PCDHA7: variants seen among roughly 807,000 people sequenced by gnomAD.
PCDHA7 encodes protocadherin alpha 7.
In PCDHA7, 37 loss-of-function variants were observed where a neutral mutation model predicts 57.2. The ratio of observed to expected loss-of-function variants is 0.65; its 90% CI spans 0.50 to 0.85. The LOEUF (loss-of-function observed/expected upper bound fraction) is 0.85, where lower values mean the gene tolerates loss of function less well. Ranked by LOEUF, PCDHA7 falls within the 40% of genes least tolerant of loss-of-function variation. The probability of loss-of-function intolerance (pLI) is 0.00; values close to 1 mark genes in which losing one functional copy is unlikely to be tolerated. For synonymous variants in PCDHA7, 553 were observed against 558.8 expected (o/e 0.99, Z 0.15); for missense variants, 1,188 against 1,241.8 (o/e 0.96, Z 0.65).
intron 1 of PCDHA7, among the ~76,000 whole-genome samples, chr5:140,915,956 A>G (rs1170172761): frequency 6.6e-6 from 1 of 151,996 alleles, no homozygotes; most frequent in African/African-American, 2.4e-5. Flanking sequence ...ATACTTAGAA[A>G]TTTGCCTGAT....
chr5:140,849,589 T>G, intron 1 of PCDHA7: 1 of 1,598,710 alleles, frequency 6.3e-7, no homozygotes, highest in Non-Finnish European at 8.6e-7. Context: ...GACGCACAAC[T>G]GGGGACAGTT....
intron 1 of PCDHA7, among the ~76,000 whole-genome samples, chr5:140,941,460 C>T (rs530075226): frequency 4.6e-4 from 69 of 151,184 alleles, no homozygotes; most frequent in African/African-American, 1.6e-3. Context: ...GGATTACAGG[C>T]GCCCACCACC....
intron 1 of PCDHA7, among the ~76,000 whole-genome samples, chr5:140,838,466 C>T (rs1775745526): frequency 6.6e-6 from 1 of 151,588 alleles, no homozygotes; most frequent in South Asian, 2.1e-4. Context: ...TTCATTAGCG[C>T]TTATTCCTTG....
intron 1 of PCDHA7, chr5:140,857,387 G>A (rs369919324): frequency 2.5e-6 from 4 of 1,598,586 alleles, no homozygotes; most frequent in Admixed American, 1.7e-5. Flanking sequence ...GGTGGCCGAC[G>A]TGAACGACAA....
At position 140,850,414 on chromosome 5, in the gene PCDHA7, C is replaced by T. The variant is rs2150483197; in HGVS notation, c.2355+13676C>T. The T allele has an allele frequency of 3.9e-5, 62 of 1,597,814 alleles. 5 individuals are homozygous for T. Among genetic ancestry groups the T allele is most frequent in the African/African-American group, 6.7e-5 (5 of 74,310 alleles). ...AGCACAACGCGTGCCCTGGACGAAA[C>T]GGACGCACCGCGCCAGCGCCTACTG... On this transcript the variant is annotated intron_variant, in intron 1 of 3. Coordinates refer to ENST00000525929, the MANE Select transcript of PCDHA7 (RefSeq NM_018910.3).
chr5:140,951,966 C>G (rs1554220177), intron 1 of PCDHA7, among the ~76,000 whole-genome samples: 1 of 152,128 alleles, frequency 6.6e-6, no homozygotes, highest in African/African-American at 2.4e-5. Flanking sequence ...GGTAAATACT[C>G]CTGTTCCAAA....
chr5:140,886,844 A>G (rs11748231), intron 1 of PCDHA7, among the ~76,000 whole-genome samples: 22,325 of 150,652 alleles, frequency 0.15, 1,711 homozygotes, highest in Middle Eastern at 0.2. Context: ...AAAAAAAAAA[A>G]AAAGAAAGGT....
Position 140,835,730 on chromosome 5 carries a change from C to A in PCDHA7, c.1347C>A (p.Asn449Lys). 2 of 1,613,804 alleles carry A rather than the reference C, an allele frequency of 1.2e-6. No individual in the cohort carries two copies. Among genetic ancestry groups the A allele is most frequent in the South Asian group, 1.1e-5 (1 of 91,072 alleles). ...ASVSVEVADV[N>K]DNAPAFAQPE... is the part of the protein sequence containing the mutation. Reference sequence around the variant, plus strand: ...TGTCCGTGGAGGTGGCCGACGTGAACGACAACGCCCCGGCGTTCGCGCAGC... The same window carrying A: ...TGTCCGTGGAGGTGGCCGACGTGAAAGACAACGCCCCGGCGTTCGCGCAGC... Residue 449 changes from asparagine to lysine, a missense_variant, in exon 1 of 4, where the codon AAC becomes AAA. Coordinates refer to ENST00000525929, the MANE Select transcript of PCDHA7 (RefSeq NM_018910.3).
intron 1 of PCDHA7, among the ~76,000 whole-genome samples, chr5:140,897,257 T>C (rs1554187284): frequency 6.6e-6 from 1 of 151,916 alleles, no homozygotes; most frequent in Non-Finnish European, 1.5e-5. Context: ...TATGTATACA[T>C]GTGCCATGCT....
In PCDHA7 at chr5:140,857,752, C is replaced by T. The variant is rs7725388; in HGVS notation, c.2355+21014C>T. On this transcript the variant is annotated intron_variant, in intron 1 of 3. Coordinates refer to ENST00000525929, the MANE Select transcript of PCDHA7 (RefSeq NM_018910.3). ...ACGCTCCCGCGCTGCTGGCGTCTCCCGCTGGCAGCGCGGGCGGTGCAGTCA... is the reference window on the plus strand; with the variant it reads ...ACGCTCCCGCGCTGCTGGCGTCTCCTGCTGGCAGCGCGGGCGGTGCAGTCA... The T allele has an allele frequency of 7.5e-6, 12 of 1,597,052 alleles. 1 individual carries two copies. The highest frequency in any genetic ancestry group is 9.4e-6 in the Non-Finnish European group (11 of 1,167,514).
chr5:140,968,267 A>G, intron 1 of PCDHA7: 1 of 1,613,984 alleles, frequency 6.2e-7, no homozygotes, highest in Non-Finnish European at 8.5e-7. Flanking sequence ...TGAAAAGGAG[A>G]ATGCAGAGGT....
intron 1 of PCDHA7, chr5:140,843,377 G>C (rs375387773): frequency 1.3e-6 from 2 of 1,596,146 alleles, no homozygotes; most frequent in Non-Finnish European, 1.7e-6. Flanking sequence ...GTCGGCTGGC[G>C]TTTTGGGTCC....
At chr5:140,857,787 T>C in intron 1 of PCDHA7, 1 of 1,597,564 alleles carries the variant, frequency 6.3e-7, no homozygotes, top group Non-Finnish European at 8.6e-7. Flanking sequence ...AGTGAGCTGG[T>C]GCTGCGGTCG....
chr5:140,871,072 G>T, intron 1 of PCDHA7: 1 of 1,613,238 alleles, frequency 6.2e-7, no homozygotes, highest in South Asian at 1.1e-5. Context: ...CGGTGAGCCG[G>T]CGCTGACGGC....
chr5:140,872,452 T>G (rs1459875737), intron 1 of PCDHA7, among the ~76,000 whole-genome samples: 1 of 151,968 alleles, frequency 6.6e-6, no homozygotes, highest in East Asian at 1.9e-4. Context: ...CATAGCGAGA[T>G]CCTGTCTCTA....
chr5:140,991,253 C>T (rs912017745), intron 3 of PCDHA7, among the ~76,000 whole-genome samples: 1 of 152,178 alleles, frequency 6.6e-6, no homozygotes, highest in East Asian at 1.9e-4. Context: ...AGTATTTGAA[C>T]TCATGTCTGC....
chr5:140,890,220 C>A (rs955015481), intron 1 of PCDHA7, among the ~76,000 whole-genome samples: 18 of 152,044 alleles, frequency 1.2e-4, no homozygotes, highest in Non-Finnish European at 2.6e-4. Flanking sequence ...TCCCAGAGAC[C>A]TAGTTGTTAA....
chr5:140,869,562 A>T (rs373044645), intron 1 of PCDHA7: 50 of 1,614,050 alleles, frequency 3.1e-5, no homozygotes, highest in Non-Finnish European at 3.5e-5. Context: ...CGCGTTTTCC[A>T]CTAGAGGGAG....
chr5:140,986,373 G>A (rs376031401), intron 3 of PCDHA7, among the ~76,000 whole-genome samples: 26 of 152,280 alleles, frequency 1.7e-4, no homozygotes, highest in South Asian at 4.1e-4. Context: ...TGCGTTTTGG[G>A]GGGAGGGACA....
Sources: gnomAD v4.1 joint callset for allele counts (sites outside exome capture counted in the v4.1 genomes callset) on GRCh38, gnomAD v4.1.1 for gene constraint, MANE v1.5 for transcripts, NCBI Gene and HGNC (gene_info 2026-07-23, HGNC 2026-07-21) for gene names.